The following FER variants were observed in gnomAD, a reference collection of about 807,000 sequenced individuals.
The protein encoded by FER is FER tyrosine kinase, also known as tyrosine-protein kinase Fer.
A neutral mutation model predicts 111.0 loss-of-function variants in FER; 63 were observed. The observed-to-expected ratio is 0.57, with a 90% CI of 0.46 to 0.70. FER has a LOEUF of 0.70. Among genes scored for constraint, FER ranks in the 30% least tolerant of loss-of-function variants. The probability of loss-of-function intolerance (pLI) is 0.00; values close to 1 mark genes in which losing one functional copy is unlikely to be tolerated. For synonymous variants in FER, 327 were observed against 313.9 expected (o/e 1.04, Z -0.44); for missense variants, 914 against 954.0 (o/e 0.96, Z 0.55).
At position 109,007,473 on chromosome 5, in the gene FER, C is replaced by G. The variant is rs73778392; in HGVS notation, c.1657-29949C>G. 2.9e-3 allele frequency among the ~76,000 whole-genome samples: 449 copies of G among 152,226 alleles called. 4 individuals carry two copies. Among genetic ancestry groups the G allele is most frequent in the African/African-American group, 0.01 (435 of 41,548 alleles). On this transcript the variant is annotated intron_variant, in intron 13 of 19. Coordinates refer to ENST00000281092, the MANE Select transcript of FER (RefSeq NM_005246.4). ...TATTCTATGCCCCTTTCTAGTCAAC[C>G]CAGCTACTTACCCTTTGGAAAGTGA... is the stretch of plus-strand genomic sequence containing the variant.
At chr5:109,026,240 A>C (rs1399495712) in intron 13 of FER, among the ~76,000 whole-genome samples, 1 of 152,224 alleles carries the variant, frequency 6.6e-6, no homozygotes, top group Non-Finnish European at 1.5e-5. Context: ...TATTTTATGT[A>C]GCTTGCAAAT....
chr5:108,934,209 A>G (rs1332411017), intron 10 of FER, among the ~76,000 whole-genome samples: 1 of 152,170 alleles, frequency 6.6e-6, no homozygotes, highest in Non-Finnish European at 1.5e-5. Context: ...AACCTGGCTT[A>G]CTACAAAGAG....
At chr5:108,994,013 C>T (rs903379721) in intron 13 of FER, among the ~76,000 whole-genome samples, 3 of 151,990 alleles carry the variant, frequency 2.0e-5, no homozygotes, top group Admixed American at 2.0e-4. Flanking sequence ...CTTGTAGGTT[C>T]TAGATATTAA....
At chr5:108,787,842 G>C (rs1412908287) in intron 2 of FER, among the ~76,000 whole-genome samples, 1 of 152,148 alleles carries the variant, frequency 6.6e-6, no homozygotes, top group Non-Finnish European at 1.5e-5. Context: ...TACCCACTTT[G>C]AGTCTCCTGA....
intron 18 of FER, among the ~76,000 whole-genome samples, chr5:109,183,297 G>A (rs1265584801): frequency 7.0e-6 from 1 of 142,236 alleles, no homozygotes; most frequent in African/African-American, 2.6e-5. Flanking sequence ...TGCCCAGGCT[G>A]GAGCGCAGCA....
intron 2 of FER, among the ~76,000 whole-genome samples, chr5:108,774,745 T>C (rs1385675690): frequency 6.6e-6 from 1 of 152,128 alleles, no homozygotes; most frequent in African/African-American, 2.4e-5. Flanking sequence ...GAAGGGTTTT[T>C]TTTTTCTTGT....
chr5:108,798,169 C>T lies in FER; in HGVS notation c.-14C>T. 6.2e-7 allele frequency: 1 copy of T among 1,609,954 alleles called. No individual in the cohort carries two copies. The highest frequency in any genetic ancestry group is 8.5e-7 in the Non-Finnish European group (1 of 1,176,490). On this transcript the variant is annotated 5_prime_UTR_variant, in exon 3 of 20. Transcript: ENST00000281092. ...TCACTTGTGCAGTGTGGAGGATAAC[C>T]AGTGCCTTACAAAATGGGGTTTGGG...
At chr5:109,160,274 T>A (rs1755852906) in intron 17 of FER, among the ~76,000 whole-genome samples, 1 of 152,166 alleles carries the variant, frequency 6.6e-6, no homozygotes, top group Non-Finnish European at 1.5e-5. Flanking sequence ...GAAACAGTGA[T>A]GAATCAAACG....
At chr5:108,868,655 A>G (rs1246323154) in intron 6 of FER, among the ~76,000 whole-genome samples, 17 of 152,130 alleles carry the variant, frequency 1.1e-4, no homozygotes, top group African/African-American at 3.4e-4. Flanking sequence ...GTTGCTGTGA[A>G]CTATGAGTAG....
chr5:109,060,815 C>G (rs990145081), intron 16 of FER, among the ~76,000 whole-genome samples: 1 of 149,476 alleles, frequency 6.7e-6, no homozygotes, highest in Non-Finnish European at 1.5e-5. Flanking sequence ...ATGTAAACAT[C>G]TACATAAATA....
intron 17 of FER, among the ~76,000 whole-genome samples, chr5:109,167,910 G>C (rs941203695): frequency 1.3e-5 from 2 of 152,146 alleles, no homozygotes; most frequent in East Asian, 3.9e-4. Context: ...ATAGCTGAGG[G>C]TAAAGAAATG....
intron 17 of FER, among the ~76,000 whole-genome samples, chr5:109,131,811 G>A (rs185924036): frequency 3.3e-4 from 50 of 152,038 alleles, no homozygotes; most frequent in African/African-American, 1.2e-3. Context: ...TAATAGTTTT[G>A]TTATTAGGTT....
Position 109,068,176 on chromosome 5 carries a change from ATC to A in FER, c.1924+20982_1924+20983del, listed in dbSNP as rs1159809340. Among the ~76,000 whole-genome samples the A allele has an allele frequency of 4.8e-5, 7 of 145,376 alleles. No homozygotes were observed. In the East Asian group the frequency reaches 1.4e-3, roughly 29 times the overall value. ...CCAAAGCATTTAGGTCCACTCAGTC[ATC>A]TCTTTTTTTTTTTTCATTTTTTTGA... is the stretch of plus-strand genomic sequence containing the variant. On this transcript the variant is annotated intron_variant, in intron 16 of 19. Transcript: ENST00000281092.
intron 13 of FER, among the ~76,000 whole-genome samples, chr5:109,006,817 A>G (rs1394007096): frequency 3.3e-5 from 5 of 152,238 alleles, no homozygotes; most frequent in Admixed American, 2.0e-4. Context: ...TGTGATGCTC[A>G]TATGGTGGGG....
intron 3 of FER, among the ~76,000 whole-genome samples, chr5:108,829,638 CA>C (rs1259733827): frequency 6.6e-6 from 1 of 151,680 alleles, no homozygotes; most frequent in Non-Finnish European, 1.5e-5. Context: ...GACCCTGTCT[CA>C]AAAAAAACTT....
At chr5:109,177,846 G>A (rs980866048) in intron 17 of FER, among the ~76,000 whole-genome samples, 2 of 152,182 alleles carry the variant, frequency 1.3e-5, no homozygotes, top group African/African-American at 4.8e-5. Context: ...TGATACCTCA[G>A]GTGAATGACA....
intron 3 of FER, among the ~76,000 whole-genome samples, chr5:108,818,931 T>C (rs571380261): frequency 6.6e-6 from 1 of 152,240 alleles, no homozygotes; most frequent in Non-Finnish European, 1.5e-5. Flanking sequence ...TCTAATTTAA[T>C]GATTAAGTAC....
At chr5:108,967,480 C>T (rs538177857) in intron 13 of FER, among the ~76,000 whole-genome samples, 11 of 151,856 alleles carry the variant, frequency 7.2e-5, no homozygotes, top group African/African-American at 1.9e-4. Flanking sequence ...CCAATTATGA[C>T]GCCAGGCACG....
chr5:108,894,516 T>A (rs1158246845), intron 9 of FER: 9 of 396,010 alleles, frequency 2.3e-5, no homozygotes, highest in Admixed American at 1.6e-4. Flanking sequence ...ATTAGTTAGT[T>A]TGATGTTGAG....
Sources: gnomAD v4.1 joint callset for allele counts (sites outside exome capture counted in the v4.1 genomes callset) on GRCh38, gnomAD v4.1.1 for gene constraint, MANE v1.5 for transcripts, NCBI Gene and HGNC (gene_info 2026-07-23, HGNC 2026-07-21) for gene names.